Variants in TMEM232 observed in about 807,000 individuals in gnomAD.
TMEM232 encodes the protein transmembrane protein 232.
Under a neutral mutation model 78.8 loss-of-function variants are expected in TMEM232, and 80 were observed. The ratio of observed to expected loss-of-function variants is 1.01; its 90% CI spans 0.85 to 1.22. The LOEUF (loss-of-function observed/expected upper bound fraction) is 1.22. Among genes scored for constraint, TMEM232 ranks in the 50% most tolerant of loss-of-function variants. The probability of loss-of-function intolerance (pLI) is 0.00; values close to 1 mark genes in which losing one functional copy is unlikely to be tolerated. For synonymous variants in TMEM232, 297 were observed against 254.3 expected (o/e 1.17, Z -1.60); for missense variants, 881 against 742.2 (o/e 1.19, Z -2.17).
At chr5:110,639,994 C>A (rs542737880) in intron 4 of TMEM232, among the ~76,000 whole-genome samples, 3 of 152,140 alleles carry the variant, frequency 2.0e-5, no homozygotes, top group African/African-American at 7.2e-5. Flanking sequence ...GGTTTTGAGA[C>A]CCCTGATTTA....
chr5:110,421,184 T>C (rs1469283060), intron 13 of TMEM232, among the ~76,000 whole-genome samples: 1 of 151,960 alleles, frequency 6.6e-6, no homozygotes, highest in Non-Finnish European at 1.5e-5. Flanking sequence ...TCTATGAAGT[T>C]AAAAATGAAA....
chr5:110,605,207 T>G lies in TMEM232; in HGVS notation c.1178A>C (p.Lys393Thr). 3.2e-6 allele frequency: 5 copies of G among 1,551,142 alleles called. No individual in the cohort carries two copies. The highest frequency in any genetic ancestry group is 2.7e-5 in the African/African-American group (2 of 73,146). Residue 393 changes from lysine (K) to threonine (T), a missense_variant, in exon 10 of 14, where the codon AAA (lysine) becomes ACA (threonine). Physicochemically the swap from Lys to Thr is moderately conservative, Grantham distance 78 (BLOSUM62 -1). Transcript: ENST00000455884. ...TGATTTGTCCAAGTATAAAATATTTTTTTGTGAACTTTTACAGTGACAGAA... is the reference window on the plus strand; with the variant it reads ...TGATTTGTCCAAGTATAAAATATTTGTTTGTGAACTTTTACAGTGACAGAA... The part of the protein sequence containing the change: ...IGFCHCKSSQ[K>T]NILYLDKSVP...
intron 1 of TMEM232, among the ~76,000 whole-genome samples, chr5:110,708,956 C>T (rs1796208222): frequency 6.6e-6 from 1 of 151,790 alleles, no homozygotes; most frequent in South Asian, 2.1e-4. Flanking sequence ...GATGAAAAAA[C>T]AAGACCTAAT....
At chr5:110,696,576 C>T (rs533827345) in intron 1 of TMEM232, among the ~76,000 whole-genome samples, 2 of 152,274 alleles carry the variant, frequency 1.3e-5, no homozygotes, top group South Asian at 4.1e-4. Flanking sequence ...CCCAAAATCT[C>T]CTTAAGCTGA....
intron 5 of TMEM232, among the ~76,000 whole-genome samples, chr5:110,632,513 AC>A (rs1447539352): frequency 6.6e-6 from 1 of 152,212 alleles, no homozygotes; most frequent in Non-Finnish European, 1.5e-5. Flanking sequence ...TCAGAAAAAA[AC>A]AATTTAAGAT....
chr5:110,426,210 C>A (rs1213222428), intron 12 of TMEM232, among the ~76,000 whole-genome samples: 1 of 152,002 alleles, frequency 6.6e-6, no homozygotes, highest in Non-Finnish European at 1.5e-5. Flanking sequence ...CCATAGCTCT[C>A]AATCTACCAT....
downstream of TMEM232, among the ~76,000 whole-genome samples, chr5:110,415,314 A>G (rs901496235): frequency 6.6e-6 from 1 of 151,466 alleles, no homozygotes. Flanking sequence ...CAGCCTCCCG[A>G]GTAGCTGGGA....
At chr5:110,515,648 C>A (rs192224969) in intron 12 of TMEM232, among the ~76,000 whole-genome samples, 1 of 152,314 alleles carries the variant, frequency 6.6e-6, no homozygotes, top group African/African-American at 2.4e-5. Context: ...TAACGGTTGA[C>A]TTCTAAGCCT....
At chr5:110,621,394 T>A (rs1016426284) in intron 7 of TMEM232, among the ~76,000 whole-genome samples, 3 of 152,086 alleles carry the variant, frequency 2.0e-5, no homozygotes, top group Non-Finnish European at 2.9e-5. Context: ...ATTTGCAAAC[T>A]GTTAATTAGA....
At chr5:110,574,826 T>A (rs1777388881) in intron 10 of TMEM232, among the ~76,000 whole-genome samples, 1 of 152,124 alleles carries the variant, frequency 6.6e-6, no homozygotes, top group Non-Finnish European at 1.5e-5. Flanking sequence ...TGGCTGATTT[T>A]AATTTATATC....
intron 10 of TMEM232, among the ~76,000 whole-genome samples, chr5:110,596,179 G>A (rs1218671658): frequency 2.6e-5 from 4 of 151,894 alleles, no homozygotes; most frequent in Non-Finnish European, 5.9e-5. Context: ...TGATAAAGGG[G>A]ATATCACCAC....
intron 5 of TMEM232, among the ~76,000 whole-genome samples, chr5:110,632,431 GA>G (rs199516301): frequency 2.6e-5 from 4 of 151,582 alleles, no homozygotes; most frequent in African/African-American, 9.7e-5. Flanking sequence ...ACATCACAGG[GA>G]AAAAAATCAA....
At chr5:110,556,609 G>A (rs1049746850) in intron 11 of TMEM232, among the ~76,000 whole-genome samples, 1 of 152,112 alleles carries the variant, frequency 6.6e-6, no homozygotes, top group African/African-American at 2.4e-5. Context: ...GGCTGGTCTT[G>A]AACTCGAGCT....
At chr5:110,571,227 T>C (rs1227692915) in intron 10 of TMEM232, among the ~76,000 whole-genome samples, 2 of 152,044 alleles carry the variant, frequency 1.3e-5, no homozygotes, top group East Asian at 1.9e-4. Context: ...CGCTCAGATA[T>C]TCCTAGCATA....
At chr5:110,583,598 A>C (rs1581303183) in intron 10 of TMEM232, among the ~76,000 whole-genome samples, 2 of 151,998 alleles carry the variant, frequency 1.3e-5, no homozygotes, top group Non-Finnish European at 2.9e-5. Context: ...AAATAACACC[A>C]AAAGCACAGG....
At chr5:110,449,279 A>T (rs992247834) in intron 12 of TMEM232, among the ~76,000 whole-genome samples, 1 of 152,076 alleles carries the variant, frequency 6.6e-6, no homozygotes, top group African/African-American at 2.4e-5. Context: ...AAATATGCCA[A>T]ATTAACAATG....
intron 11 of TMEM232, among the ~76,000 whole-genome samples, chr5:110,539,886 G>A (rs1009288721): frequency 1.3e-5 from 2 of 152,122 alleles, no homozygotes; most frequent in African/African-American, 2.4e-5. Flanking sequence ...TCCCCAGAAC[G>A]AGTGCAAGCC....
At chr5:110,647,094 A>G (rs376433635) in intron 2 of TMEM232, among the ~76,000 whole-genome samples, 1 of 151,924 alleles carries the variant, frequency 6.6e-6, no homozygotes, top group Admixed American at 6.6e-5. Context: ...TGCCTACACG[A>G]AAGTGCACTA....
intron 1 of TMEM232, among the ~76,000 whole-genome samples, chr5:110,719,225 G>C (rs1561564712): frequency 1.3e-5 from 2 of 151,484 alleles, no homozygotes; most frequent in Non-Finnish European, 2.9e-5. Context: ...ATGTATATAT[G>C]TGTATATATA....
Sources: allele counts gnomAD v4.1 joint callset (sites outside exome capture counted in the v4.1 genomes callset), GRCh38; gene constraint gnomAD v4.1.1; transcripts MANE v1.5; gene names NCBI Gene and HGNC (gene_info 2026-07-23, HGNC 2026-07-21).